PDZD2: variants seen among roughly 807,000 people sequenced by gnomAD.
The protein encoded by PDZD2 is PDZ domain containing 2.
In PDZD2, 90 loss-of-function variants were observed where a neutral mutation model predicts 220.7. The observed-to-expected ratio is 0.41, with a 90% CI of 0.34 to 0.49. The LOEUF is 0.49. Among genes scored for constraint, PDZD2 ranks in the 20% least tolerant of loss-of-function variants. The pLI, the probability that PDZD2 is intolerant of heterozygous loss-of-function variation, is 0.28. For synonymous variants in PDZD2, 1,375 were observed against 1,450.5 expected (o/e 0.95, Z 1.18); for missense variants, 3,174 against 3,608.5 (o/e 0.88, Z 3.08).
At chr5:31,840,908 A>G (rs1757263303) in intron 2 of PDZD2, 2 of 552,056 alleles carry the variant, frequency 3.6e-6, no homozygotes, top group South Asian at 5.4e-5. Context: ...GAATAACTCC[A>G]TGTTTTCTTA....
chr5:31,766,226 A>G (rs1263452262), intron 1 of PDZD2, among the ~76,000 whole-genome samples: 1 of 152,256 alleles, frequency 6.6e-6, no homozygotes, highest in Admixed American at 6.5e-5. Context: ...TTTTTGCTGG[A>G]CACTGCTTTA....
intron 4 of PDZD2, among the ~76,000 whole-genome samples, chr5:31,999,000 G>A (rs887126721): frequency 8.5e-5 from 13 of 152,382 alleles, no homozygotes; most frequent in Admixed American, 2.0e-4. Context: ...GACTCACCAC[G>A]ATTGAAGGGG....
At chr5:31,847,937 C>G (rs1757682400) in intron 2 of PDZD2, 1 of 457,760 alleles carries the variant, frequency 2.2e-6, no homozygotes, top group Non-Finnish European at 4.3e-6. Flanking sequence ...ACCATTCTCT[C>G]AATACATAAA....
intron 1 of PDZD2, among the ~76,000 whole-genome samples, chr5:31,649,604 T>A (rs2150105723): frequency 6.6e-6 from 1 of 152,192 alleles, no homozygotes; most frequent in Middle Eastern, 3.4e-3. Context: ...TTCCTATTTC[T>A]GCCTTTCCTT....
intron 2 of PDZD2, among the ~76,000 whole-genome samples, chr5:31,942,190 T>A (rs148953480): frequency 6.6e-6 from 1 of 152,346 alleles, no homozygotes; most frequent in African/African-American, 2.4e-5. Flanking sequence ...TTCAACCTAT[T>A]TTCTTTTTTA....
Position 32,090,522 on chromosome 5 carries a change from C to T in PDZD2, c.7074C>T (p.Ser2358=), listed in dbSNP as rs758185791. 3.7e-6 allele frequency: 6 copies of T among 1,613,974 alleles called. No homozygotes were observed. Among genetic ancestry groups the T allele is most frequent in the Non-Finnish European group, 5.1e-6 (6 of 1,179,992 alleles). ...ADRPVAKSGA[S]PFLSVSSKPP... is the part of the protein sequence containing the mutation. ...GGCCTGTAGCCAAGTCCGGGGCTTC[C>T]CCATTTTTGTCGGTGAGCTCCAAGC... The change falls in exon 20 of 25, where the codon TCC becomes TCT. Residue 2358 remains serine, a synonymous_variant. Coordinates refer to ENST00000438447, the MANE Select transcript of PDZD2 (RefSeq NM_178140.4). This position sits in a 1 kb window ranked among gnomAD's most constrained non-coding sequence, Gnocchi z 4.3.
At chr5:31,666,961 G>A (rs1478089482) in intron 1 of PDZD2, among the ~76,000 whole-genome samples, 2 of 151,970 alleles carry the variant, frequency 1.3e-5, no homozygotes, top group African/African-American at 4.8e-5. Context: ...TGCCAGCCAG[G>A]CGCGGTGGCT....
chr5:32,102,998 A>C (rs1477592330), intron 24 of PDZD2, among the ~76,000 whole-genome samples: 2 of 152,202 alleles, frequency 1.3e-5, no homozygotes, highest in Non-Finnish European at 2.9e-5. Context: ...AAATAGACTA[A>C]ATCCATGTGA....
intron 2 of PDZD2, among the ~76,000 whole-genome samples, chr5:31,937,245 T>C (rs1745828375): frequency 6.6e-6 from 1 of 152,158 alleles, no homozygotes; most frequent in Admixed American, 6.6e-5. Context: ...TGACATGTTT[T>C]CCCTCACTAA....
chr5:31,978,892 T>C (rs1218317495), intron 2 of PDZD2, among the ~76,000 whole-genome samples: 1 of 152,068 alleles, frequency 6.6e-6, no homozygotes, highest in Non-Finnish European at 1.5e-5. Context: ...CAGGGTCTTA[T>C]TTATTGCCAG....
intron 1 of PDZD2, chr5:31,725,720 G>T: frequency 1.1e-6 from 1 of 880,014 alleles, no homozygotes; most frequent in Non-Finnish European, 1.9e-6. Flanking sequence ...GGTATGAGAT[G>T]CAGGCCTGCA....
intron 2 of PDZD2, among the ~76,000 whole-genome samples, chr5:31,819,605 C>A (rs549845302): frequency 1.4e-3 from 195 of 139,478 alleles, no homozygotes; most frequent in Non-Finnish European, 2.5e-3. Flanking sequence ...TGCAGTGAGC[C>A]GAGATCATGC....
At chr5:31,649,434 T>C (rs1745257343) in intron 1 of PDZD2, among the ~76,000 whole-genome samples, 1 of 151,770 alleles carries the variant, frequency 6.6e-6, no homozygotes, top group African/African-American at 2.4e-5. Context: ...CAAGAACATA[T>C]GATCTAACAG....
chr5:31,958,280 G>T (rs1263633965), intron 2 of PDZD2, among the ~76,000 whole-genome samples: 1 of 151,002 alleles, frequency 6.6e-6, no homozygotes, highest in African/African-American at 2.4e-5. Flanking sequence ...TTGAGACGGA[G>T]TCTCACTCTT....
At chr5:31,897,491 G>C (rs1280707178) in intron 2 of PDZD2, among the ~76,000 whole-genome samples, 1 of 152,164 alleles carries the variant, frequency 6.6e-6, no homozygotes, top group Non-Finnish European at 1.5e-5. Context: ...TGTGTGTTCG[G>C]AAGAATCACT....
chr5:32,071,942 A>T (rs2112390668), intron 16 of PDZD2, among the ~76,000 whole-genome samples: 1 of 152,344 alleles, frequency 6.6e-6, no homozygotes, highest in East Asian at 1.9e-4. Flanking sequence ...CCAAAAACAA[A>T]AAGTCTCTAA....
At chr5:31,881,372 A>G (rs374760222) in intron 2 of PDZD2, among the ~76,000 whole-genome samples, 30 of 125,980 alleles carry the variant, frequency 2.4e-4, no homozygotes, top group African/African-American at 6.0e-4. Flanking sequence ...GTGTGTGTAT[A>G]TATTTTTTTT....
At position 32,083,351 on chromosome 5, in the gene PDZD2, C is replaced by G. The variant is rs190038873; in HGVS notation, c.3683-3780C>G. ...CTGACCTAGCAGGCTGTCCCTCGCA[C>G]TGACCACTCTGCTGTCAGCACACCC... On this transcript the variant is annotated intron_variant, in intron 19 of 24. Transcript: ENST00000438447. The surrounding 1 kb of genome is among the most constrained non-coding windows in gnomAD (Gnocchi z 4.1). 1 of 152,350 alleles carries G rather than the reference C, an allele frequency of 6.6e-6. No individual in the cohort carries two copies. The highest frequency in any genetic ancestry group is 1.9e-4 in the East Asian group (1 of 5,174). 9.4% of individuals were successfully genotyped at this position (152,350 alleles called of 1,614,324 possible).
At chr5:31,879,116 G>A (rs1161216384) in intron 2 of PDZD2, among the ~76,000 whole-genome samples, 1 of 151,564 alleles carries the variant, frequency 6.6e-6, no homozygotes, top group African/African-American at 2.4e-5. Flanking sequence ...GGCCGGGCAC[G>A]GTGGCTCACG....
Sources: gnomAD v4.1 joint callset for allele counts (sites outside exome capture counted in the v4.1 genomes callset) on GRCh38, gnomAD v4.1.1 for gene constraint, Gnocchi (gnomAD v3.1) non-coding constraint, MANE v1.5 for transcripts, NCBI Gene and HGNC (gene_info 2026-07-23, HGNC 2026-07-21) for gene names.